LDLRAD4: variants seen among roughly 807,000 people sequenced by gnomAD.
The protein encoded by LDLRAD4 is low density lipoprotein receptor class A domain containing 4, also known as low-density lipoprotein receptor class A domain-containing protein 4.
In LDLRAD4, 5 loss-of-function variants were observed where a neutral mutation model predicts 17.0. That is an observed-to-expected ratio of 0.29 (90% CI 0.15 to 0.62). The LOEUF is 0.62. Among genes scored for constraint, LDLRAD4 ranks in the 20% least tolerant of loss-of-function variants. The pLI, the probability that LDLRAD4 is intolerant of heterozygous loss-of-function variation, is 0.84. For synonymous variants in LDLRAD4, 168 were observed against 171.8 expected (o/e 0.98, Z 0.17); for missense variants, 340 against 424.7 (o/e 0.80, Z 1.75).
chr18:13,379,965 TGCCCCTGCCCGCCAGCCCCCTGCCCGCCA>T (rs1308081193), intron 1 of LDLRAD4, among the ~76,000 whole-genome samples: 1 of 82,444 alleles, frequency 1.2e-5, no homozygotes, highest in East Asian at 3.2e-4. Context: ...TGCAGAGGCC[TGCCCCTGCCCGCCAGCCCCCTGCCCGCCA>T]GCCCCCTGCC....
intron 1 of LDLRAD4, among the ~76,000 whole-genome samples, chr18:13,248,159 C>A (rs916253696): frequency 6.6e-6 from 1 of 152,094 alleles, no homozygotes; most frequent in East Asian, 1.9e-4. Context: ...TACACTGTTT[C>A]TCCATGTTGG....
chr18:13,468,970 T>C (rs1249455546), intron 3 of LDLRAD4, among the ~76,000 whole-genome samples: 2 of 151,966 alleles, frequency 1.3e-5, no homozygotes, highest in Non-Finnish European at 2.9e-5. Context: ...CTGCACATTG[T>C]GCACATGTAC....
At chr18:13,435,728 T>G (rs1380760430) in intron 2 of LDLRAD4, among the ~76,000 whole-genome samples, 1 of 152,202 alleles carries the variant, frequency 6.6e-6, no homozygotes, top group East Asian at 1.9e-4. Flanking sequence ...AGTGTAGGTA[T>G]GAGTCACTGT....
chr18:13,269,698 C>T (rs967654260), intron 1 of LDLRAD4, among the ~76,000 whole-genome samples: 1 of 152,094 alleles, frequency 6.6e-6, no homozygotes, highest in Non-Finnish European at 1.5e-5. Flanking sequence ...CAGTCTGAGT[C>T]GGCAGTGTGG....
chr18:13,467,301 G>T (rs1302393873), intron 3 of LDLRAD4, among the ~76,000 whole-genome samples: 8 of 152,194 alleles, frequency 5.3e-5, no homozygotes, highest in African/African-American at 1.9e-4. Flanking sequence ...CAGCAGAATT[G>T]CTGGGAACAA....
At chr18:13,615,938 C>CA (rs2040023645) in intron 3 of LDLRAD4, 4 of 45,202 alleles carry the variant, frequency 8.8e-5, no homozygotes, top group South Asian at 1.1e-3. Flanking sequence ...CCGTGTTAGG[C>CA]GTGTAGCATC....
At chr18:13,594,633 T>A (rs1364127496) in intron 3 of LDLRAD4, among the ~76,000 whole-genome samples, 1 of 115,560 alleles carries the variant, frequency 8.7e-6, no homozygotes, top group African/African-American at 3.4e-5. Context: ...GCCACTATGC[T>A]CCAGCCTGGG....
chr18:13,277,724 T>C (rs1170330838), upstream of LDLRAD4, among the ~76,000 whole-genome samples: 1 of 152,228 alleles, frequency 6.6e-6, no homozygotes, highest in Non-Finnish European at 1.5e-5. Context: ...GATGGTCTTT[T>C]CACAGCTTTT....
At chr18:13,494,439 A>G (rs191712364) in intron 3 of LDLRAD4, among the ~76,000 whole-genome samples, 1 of 151,866 alleles carries the variant, frequency 6.6e-6, no homozygotes, top group East Asian at 1.9e-4. Flanking sequence ...CCTTGTCTCA[A>G]GCCTACCTCT....
intron 3 of LDLRAD4, among the ~76,000 whole-genome samples, chr18:13,576,795 G>C (rs2094779948): frequency 6.6e-6 from 1 of 152,246 alleles, no homozygotes; most frequent in Non-Finnish European, 1.5e-5. Flanking sequence ...GGAGGCTGTG[G>C]AAGGTAGAGT....
In LDLRAD4 at chr18:13,621,732, T is replaced by A. The variant is rs9958587; in HGVS notation, c.336+461T>A. On this transcript the variant is annotated intron_variant, in intron 4 of 5. Coordinates refer to ENST00000359446, the Ensembl canonical transcript of LDLRAD4. This position sits in a 1 kb window ranked among gnomAD's most constrained non-coding sequence, Gnocchi z 5.5. The stretch of plus-strand genomic sequence containing the variant: ...ACGTGCCGGCAGCACATGGGTGCCA[T>A]GAGCTGGAGGACGCCTGGAGCTTAA... Among the ~76,000 whole-genome samples the A allele has an allele frequency of 3.3e-3, 509 of 152,206 alleles. 7 individuals are homozygous for A. Among genetic ancestry groups the A allele is most frequent in the African/African-American group, 0.012 (494 of 41,548 alleles).
chr18:13,455,768 G>A (rs2092100096), intron 3 of LDLRAD4, among the ~76,000 whole-genome samples: 4 of 152,222 alleles, frequency 2.6e-5, no homozygotes, highest in Admixed American at 6.5e-5. Flanking sequence ...GCCCCACACC[G>A]GGTGCCATTT....
At chr18:13,353,338 A>G (rs1196554593) in intron 1 of LDLRAD4, among the ~76,000 whole-genome samples, 1 of 152,210 alleles carries the variant, frequency 6.6e-6, no homozygotes, top group Admixed American at 6.5e-5. Flanking sequence ...TGAAGGCTTA[A>G]GGCCTTGCTA....
intron 4 of LDLRAD4, among the ~76,000 whole-genome samples, chr18:13,627,855 G>A (rs2041312696): frequency 6.6e-6 from 1 of 152,250 alleles, no homozygotes; most frequent in South Asian, 2.1e-4. Context: ...CCAGAGGGCA[G>A]ACGGTCCTGG....
chr18:13,476,836 C>T (rs1362854309), intron 3 of LDLRAD4, among the ~76,000 whole-genome samples: 5 of 151,970 alleles, frequency 3.3e-5, no homozygotes. Flanking sequence ...CTGTTCCTGC[C>T]CCTAGATGTG....
chr18:13,425,656 G>A (rs1157028333), intron 2 of LDLRAD4, among the ~76,000 whole-genome samples: 6 of 152,206 alleles, frequency 3.9e-5, no homozygotes, highest in Non-Finnish European at 1.5e-5. Context: ...AGCAGAGCTG[G>A]CCTCAGCAGG....
intron 3 of LDLRAD4, among the ~76,000 whole-genome samples, chr18:13,580,969 G>T (rs1349719405): frequency 6.6e-6 from 1 of 152,238 alleles, no homozygotes; most frequent in Non-Finnish European, 1.5e-5. Flanking sequence ...TATACAGGTT[G>T]AGTGTCCTGT....
intron 4 of LDLRAD4, among the ~76,000 whole-genome samples, chr18:13,630,675 C>T (rs1212535339): frequency 6.6e-6 from 1 of 152,180 alleles, no homozygotes; most frequent in East Asian, 1.9e-4. Context: ...TCAGTTTCCC[C>T]CCATCTAAAA....
Position 13,518,173 on chromosome 18 carries a change from T to C in LDLRAD4, c.181+79789T>C, listed in dbSNP as rs567603279. Among the ~76,000 whole-genome samples the C allele has an allele frequency of 1.2e-3, 178 of 152,360 alleles. 1 individual carries two copies. Among genetic ancestry groups the C allele is most frequent in the African/African-American group, 4.2e-3 (173 of 41,582 alleles). ...AACATTGCCTCCGTCTTGGTCTCAT[T>C]ATCCTCCTCTTGTGATGAGTTGTGG... is the stretch of plus-strand genomic sequence containing the variant. On this transcript the variant is annotated intron_variant, in intron 3 of 5. Coordinates refer to ENST00000359446, the Ensembl canonical transcript of LDLRAD4.
Sources: allele counts gnomAD v4.1 joint callset (sites outside exome capture counted in the v4.1 genomes callset), GRCh38; gene constraint gnomAD v4.1.1; non-coding constraint Gnocchi (gnomAD v3.1); transcripts MANE v1.5; gene names NCBI Gene and HGNC (gene_info 2026-07-23, HGNC 2026-07-21).